TRAPPC9: variants seen among roughly 807,000 people sequenced by gnomAD.
TRAPPC9 encodes the protein trafficking protein particle complex subunit 9, also known as IKK2 binding protein.
In TRAPPC9, 83 loss-of-function variants were observed where a neutral mutation model predicts 124.0. The ratio of observed to expected loss-of-function variants is 0.67; its 90% CI spans 0.56 to 0.80. The LOEUF is 0.80. Among genes scored for constraint, TRAPPC9 ranks in the 30% least tolerant of loss-of-function variants. The pLI, the probability that TRAPPC9 is intolerant of heterozygous loss-of-function variation, is 0.00. For missense variants in TRAPPC9, 1,302 were observed against 1,508.3 expected, an observed-to-expected ratio of 0.86 and a Z score of 2.27; for synonymous variants, 638 against 617.5, an observed-to-expected ratio of 1.03 and a Z score of -0.49.
At chr8:140,158,264 GA>G (rs1447728089) in intron 17 of TRAPPC9, among the ~76,000 whole-genome samples, 8 of 152,316 alleles carry the variant, frequency 5.3e-5, no homozygotes, top group Admixed American at 2.0e-4. Flanking sequence ...TGGTTAAGAT[GA>G]AGATTCTGAG....
intron 21 of TRAPPC9, among the ~76,000 whole-genome samples, chr8:139,801,295 T>C (rs1014205597): frequency 4.6e-5 from 7 of 152,212 alleles, no homozygotes; most frequent in Non-Finnish European, 7.3e-5. Context: ...AGTGACATAG[T>C]TCATGCCTCC....
At chr8:140,043,688 A>G (rs1841406525) in intron 17 of TRAPPC9, among the ~76,000 whole-genome samples, 1 of 152,094 alleles carries the variant, frequency 6.6e-6, no homozygotes, top group South Asian at 2.1e-4. Context: ...AGTGTTTCTG[A>G]TTTACAGGTT....
intron 21 of TRAPPC9, among the ~76,000 whole-genome samples, chr8:139,846,743 C>T (rs1457726511): frequency 6.6e-6 from 1 of 152,160 alleles, no homozygotes; most frequent in East Asian, 1.9e-4. Context: ...GAGGCCCATT[C>T]CCATCCTCCC....
chr8:139,969,325 G>T (rs561186328), intron 19 of TRAPPC9, among the ~76,000 whole-genome samples: 12 of 152,348 alleles, frequency 7.9e-5, no homozygotes, highest in Admixed American at 5.9e-4. Context: ...CCTCTCGCTA[G>T]ACTGGGGTCT....
rs183411755 is a variant in TRAPPC9, at chr8:139,946,687, A to C, written c.2811-36387T>G. ...CCGCAGAATTTTCTTCTAAAAAAAA[A>C]AAAAAGGCCCTGGCCAAGAGCAGTG... On this transcript the variant is annotated intron_variant, in intron 19 of 22. Transcript: ENST00000438773. 5.3e-5 allele frequency among the ~76,000 whole-genome samples: 8 copies of C among 152,138 alleles called. No homozygotes were observed. The East Asian group carries it at 1.5e-3, about 29-fold the overall frequency.
chr8:140,292,293 G>A (rs75893645), intron 11 of TRAPPC9, among the ~76,000 whole-genome samples: 9 of 152,142 alleles, frequency 5.9e-5, no homozygotes, highest in South Asian at 2.1e-4. Context: ...GATAACCCCC[G>A]TCACTGCAAG....
chr8:140,230,528 T>C (rs1401167374), intron 16 of TRAPPC9, among the ~76,000 whole-genome samples: 3 of 151,412 alleles, frequency 2.0e-5, no homozygotes, highest in African/African-American at 7.3e-5. Context: ...AGGAGAATGA[T>C]GTGAACCCAG....
At chr8:140,183,946 G>A (rs2062282364) in intron 17 of TRAPPC9, among the ~76,000 whole-genome samples, 1 of 48,870 alleles carries the variant, frequency 2.0e-5, no homozygotes, top group African/African-American at 5.8e-5. Flanking sequence ...GGAGAGGAGA[G>A]GAGAGGGGAG....
intron 21 of TRAPPC9, among the ~76,000 whole-genome samples, chr8:139,817,639 G>A (rs1824946337): frequency 6.6e-6 from 1 of 152,238 alleles, no homozygotes; most frequent in African/African-American, 2.4e-5. Flanking sequence ...AGAAGGGCGA[G>A]GCTTGGGCCC....
chr8:140,161,430 T>G (rs2130891058), intron 17 of TRAPPC9, among the ~76,000 whole-genome samples: 1 of 151,236 alleles, frequency 6.6e-6, no homozygotes, highest in East Asian at 2.0e-4. Flanking sequence ...TTTTTTCGCA[T>G]TTTGGAATAT....
intron 17 of TRAPPC9, among the ~76,000 whole-genome samples, chr8:140,083,270 T>C (rs1843960653): frequency 6.6e-6 from 1 of 152,176 alleles, no homozygotes; most frequent in South Asian, 2.1e-4. Context: ...CAGGAAAACC[T>C]TTCCACGGAG....
At chr8:140,200,488 C>T (rs2062761794) in intron 17 of TRAPPC9, among the ~76,000 whole-genome samples, 1 of 152,062 alleles carries the variant, frequency 6.6e-6, no homozygotes, top group African/African-American at 2.4e-5. Context: ...CTGGCAAACA[C>T]GACCCCGGCC....
At chr8:139,869,183 C>G (rs1587038694) in intron 21 of TRAPPC9, among the ~76,000 whole-genome samples, 1 of 152,126 alleles carries the variant, frequency 6.6e-6, no homozygotes, top group East Asian at 1.9e-4. Flanking sequence ...AAGCAAAACT[C>G]AATGCTTCAT....
rs145347244 is a variant in TRAPPC9 at position 139,776,905 on chromosome 8, C to T, written c.3056-44703G>A. Among the ~76,000 whole-genome samples the T allele has an allele frequency of 1.1e-4, 17 of 152,320 alleles. No individual in the cohort carries two copies. The highest frequency in any genetic ancestry group is 3.4e-3 in the Middle Eastern group (1 of 294). ...TTTCGCCTAAACCACCAATTGATGA[C>T]GTGGGGGCTGTGCCTTGCACCCTCT... is the stretch of plus-strand genomic sequence containing the variant. On this transcript the variant is annotated intron_variant, in intron 21 of 22. Coordinates refer to ENST00000438773, the MANE Select transcript of TRAPPC9 (RefSeq NM_001160372.4). This position sits in a 1 kb window ranked among gnomAD's most constrained non-coding sequence, Gnocchi z 4.1.
chr8:140,093,685 A>G (rs1844731092), intron 17 of TRAPPC9, among the ~76,000 whole-genome samples: 1 of 142,988 alleles, frequency 7.0e-6, no homozygotes, highest in African/African-American at 2.6e-5. Flanking sequence ...AAAAAAAAAA[A>G]GACTTCAGAC....
Position 139,857,232 on chromosome 8 carries a change from C to T in TRAPPC9, c.3055+28647G>A, listed in dbSNP as rs567195961. ...AGGAGGTGAGGCCAGAGGCTGGCGG[C>T]GGCTCATGGGCCTGGTATCGCAGGA... is the stretch of plus-strand genomic sequence containing the variant. On this transcript the variant is annotated intron_variant, in intron 21 of 22. Transcript: ENST00000438773. Among the ~76,000 whole-genome samples the T allele has an allele frequency of 1.6e-4, 25 of 152,208 alleles. No homozygotes were observed. In the South Asian group the frequency reaches 3.7e-3, roughly 23 times the overall value.
chr8:140,426,552 C>T, intron 5 of TRAPPC9, 63 bp downstream of exon 5: 1 of 1,483,044 alleles, frequency 6.7e-7, no homozygotes, highest in South Asian at 1.2e-5. Context: ...CATTCATTCA[C>T]ATCACCATGA....
At chr8:140,293,918 G>C (rs2065734117) in intron 11 of TRAPPC9, among the ~76,000 whole-genome samples, 1 of 151,704 alleles carries the variant, frequency 6.6e-6, no homozygotes, top group African/African-American at 2.4e-5. Flanking sequence ...TGCCCACCAG[G>C]TGAGCTAACA....
intron 21 of TRAPPC9, among the ~76,000 whole-genome samples, chr8:139,741,520 G>T (rs1250742306): frequency 6.6e-6 from 1 of 152,138 alleles, no homozygotes; most frequent in Non-Finnish European, 1.5e-5. Context: ...GCTTTATCAA[G>T]ATAAAAGTCA....
Sources: gnomAD v4.1 joint callset for allele counts (sites outside exome capture counted in the v4.1 genomes callset) on GRCh38, gnomAD v4.1.1 for gene constraint, Gnocchi (gnomAD v3.1) non-coding constraint, MANE v1.5 for transcripts, NCBI Gene and HGNC (gene_info 2026-07-23, HGNC 2026-07-21) for gene names.